Variants in MAP3K2 observed in about 807,000 individuals in gnomAD.
MAP3K2 encodes mitogen-activated protein kinase kinase kinase 2.
Under a neutral mutation model 80.3 loss-of-function variants are expected in MAP3K2, and 24 were observed. The observed-to-expected ratio is 0.30, with a 90% confidence interval of 0.22 to 0.42. MAP3K2 has a LOEUF of 0.42. Among genes scored for constraint, MAP3K2 ranks in the 10% least tolerant of loss-of-function variants. MAP3K2 has a pLI of 1.00. For synonymous variants in MAP3K2, 244 were observed against 253.7 expected (o/e 0.96, Z 0.36); for missense variants, 608 against 750.1 (o/e 0.81, Z 2.21).
Position 127,302,560 on chromosome 2 carries a change from G to A in MAP3K2, c.*5019C>T, listed in dbSNP as rs1486201467. Reference sequence around the variant, plus strand: ...CCCAAAATGTTAGCTGAGAATTAAGGACTAGAATCTGCTATCCCTGGATTT... The same window carrying A: ...CCCAAAATGTTAGCTGAGAATTAAGAACTAGAATCTGCTATCCCTGGATTT... On this transcript the variant is annotated 3_prime_UTR_variant, in exon 17 of 17. Coordinates refer to ENST00000682094, the MANE Select transcript of MAP3K2 (RefSeq NM_001371910.2). The A allele has an allele frequency of 6.6e-6, 1 of 152,016 alleles. No individual in the cohort carries two copies. The highest frequency in any genetic ancestry group is 1.5e-5 in the Non-Finnish European group (1 of 67,978). 9.4% of individuals were successfully genotyped at this position (152,016 alleles called of 1,614,324 possible). A position where few individuals can be genotyped will look rare whatever the true frequency, so the allele number is the denominator to read the frequency against.
At chr2:127,374,446 T>C (rs1289379357) in intron 1 of MAP3K2, among the ~76,000 whole-genome samples, 1 of 152,210 alleles carries the variant, frequency 6.6e-6, no homozygotes, top group African/African-American at 2.4e-5. Flanking sequence ...GCAACAATTT[T>C]TCCACCAAAA....
At chr2:127,327,564 C>G (rs530657177) in intron 7 of MAP3K2, among the ~76,000 whole-genome samples, 238 of 138,766 alleles carry the variant, frequency 1.7e-3, no homozygotes, top group African/African-American at 5.4e-3. Context: ...GGAGATAGGA[C>G]CAAAAAAAAA....
At chr2:127,337,141 C>CA (rs1344859084) in intron 4 of MAP3K2, among the ~76,000 whole-genome samples, 65 of 143,636 alleles carry the variant, frequency 4.5e-4, no homozygotes, top group Middle Eastern at 3.5e-3. Context: ...GACTCCATCT[C>CA]AAAAAAAAAA....
At chr2:127,373,703 A>G (rs1687103159) in intron 1 of MAP3K2, among the ~76,000 whole-genome samples, 1 of 152,222 alleles carries the variant, frequency 6.6e-6, no homozygotes, top group South Asian at 2.1e-4. Flanking sequence ...AGATGGGCCC[A>G]GAGCTATGCT....
At position 127,318,217 on chromosome 2, in the gene MAP3K2, C is replaced by G. The variant is rs753820021; in HGVS notation, c.1146G>C (p.Leu382Phe). 1.9e-6 allele frequency: 3 copies of G among 1,611,184 alleles called. No individual in the cohort carries two copies. The African/African-American group carries it at 4.0e-5, about 22-fold the overall frequency. Reference sequence around the variant, plus strand: ...GGTCAAATTGAACTTGCTTAACAGCCAATTCTCTTCCTGTATCAACATCAT... The same window carrying G: ...GGTCAAATTGAACTTGCTTAACAGCGAATTCTCTTCCTGTATCAACATCAT... ...LCYDVDTGRE[L>F]AVKQVQFDPD... The change falls in exon 13 of 17, where the codon TTG (leucine) becomes TTC (phenylalanine). Residue 382 changes from leucine (L) to phenylalanine (F), a missense_variant. By Grantham distance (22) the Leu-to-Phe change is conservative (BLOSUM62 0). This residue lies in a region of MAP3K2 where 467 missense variants were observed against 521.9 expected (regional missense o/e 0.89). Coordinates refer to ENST00000682094, the MANE Select transcript of MAP3K2 (RefSeq NM_001371910.2).
intron 1 of MAP3K2, among the ~76,000 whole-genome samples, chr2:127,367,275 T>C (rs1346240586): frequency 6.6e-6 from 1 of 152,164 alleles, no homozygotes; most frequent in Non-Finnish European, 1.5e-5. Flanking sequence ...TTCCTTATAG[T>C]ATCTGAGCAA....
At position 127,321,069 on chromosome 2, in the gene MAP3K2, G is replaced by C. The variant is rs193003864; in HGVS notation, c.1045+977C>G. ...CAGAAGGCAGAGGTTGCAATGAGTT[G>C]AGATTGCACCACAGCCTGAGTGACA... On this transcript the variant is annotated intron_variant, in intron 12 of 16. Transcript: ENST00000682094. This position sits in a 1 kb window ranked among gnomAD's most constrained non-coding sequence, Gnocchi z 4.4. Among the ~76,000 whole-genome samples the C allele has an allele frequency of 2.0e-5, 3 of 152,304 alleles. No individual in the cohort carries two copies. The East Asian group carries it at 5.8e-4, about 29-fold the overall frequency.
chr2:127,307,595 A>T lies in MAP3K2; in HGVS notation c.1844T>A (p.Phe615Tyr). Residue 615 changes from phenylalanine (F) to tyrosine (Y), a missense_variant, in exon 17 of 17, where the codon TTT becomes TAT. By Grantham distance (22) the Phe-to-Tyr change is conservative. Coordinates refer to ENST00000682094, the MANE Select transcript of MAP3K2 (RefSeq NM_001371910.2). This position sits in a 1 kb window ranked among gnomAD's most constrained non-coding sequence, Gnocchi z 5.4. ...TACTGGCTGCTAGTGATAATGCACA[A>T]ACATGTGCCTTAAGAGTTCATCAGC... ...PSADELLRHM[F>Y]VHYH The T allele has an allele frequency of 6.4e-7, 1 of 1,569,046 alleles. No homozygotes were observed. Among genetic ancestry groups the T allele is most frequent in the Non-Finnish European group, 8.6e-7 (1 of 1,156,422 alleles).
intron 5 of MAP3K2, among the ~76,000 whole-genome samples, chr2:127,334,655 GCTAGTCTTGAACTCCCGGCCTCAGGTGAT>G (rs1686329690): frequency 2.0e-5 from 3 of 152,088 alleles, no homozygotes; most frequent in Non-Finnish European, 4.4e-5. Context: ...TGTTGCCTAG[GCTAGTCTTGAACTCCCGGCCTCAGGTGAT>G]CCTCCTGCCT....
chr2:127,332,616 A>T (rs888738610), intron 5 of MAP3K2, among the ~76,000 whole-genome samples: 1 of 152,216 alleles, frequency 6.6e-6, no homozygotes, highest in African/African-American at 2.4e-5. Context: ...ACACTAAATA[A>T]ATCAGATAAT....
intron 12 of MAP3K2, 133 bp from the exon 13 acceptor site, chr2:127,318,450 C>A: frequency 1.7e-6 from 1 of 592,026 alleles, no homozygotes; most frequent in South Asian, 7.8e-5. Flanking sequence ...TTATGATTAT[C>A]CAAATTCACA....
At chr2:127,344,433 T>C (rs1424196901) in intron 1 of MAP3K2, among the ~76,000 whole-genome samples, 2 of 149,854 alleles carry the variant, frequency 1.3e-5, no homozygotes, top group Non-Finnish European at 3.0e-5. Context: ...GAGGATCACG[T>C]GAGCCCAGGA....
At chr2:127,353,832 C>G (rs1358613201) in intron 1 of MAP3K2, among the ~76,000 whole-genome samples, 1 of 151,996 alleles carries the variant, frequency 6.6e-6, no homozygotes, top group African/African-American at 2.4e-5. Context: ...ATTGAGAAAT[C>G]GGATGGTTGC....
chr2:127,370,278 G>T (rs566349147), intron 1 of MAP3K2, among the ~76,000 whole-genome samples: 58 of 152,264 alleles, frequency 3.8e-4, no homozygotes, highest in African/African-American at 1.3e-3. Context: ...TCTGTGGGCG[G>T]CCCAGTCCCC....
At chr2:127,365,429 CA>C (rs1167515877) in intron 1 of MAP3K2, among the ~76,000 whole-genome samples, 1 of 152,166 alleles carries the variant, frequency 6.6e-6, no homozygotes, top group Non-Finnish European at 1.5e-5. Flanking sequence ...TGGTTACATC[CA>C]AACTACATTT....
chr2:127,354,802 T>C (rs1686769256), intron 1 of MAP3K2, among the ~76,000 whole-genome samples: 1 of 151,952 alleles, frequency 6.6e-6, no homozygotes, highest in Non-Finnish European at 1.5e-5. Context: ...ACACAAATGA[T>C]AGAATTAGTA....
chr2:127,332,481 C>T (rs80066094), intron 5 of MAP3K2, among the ~76,000 whole-genome samples: 1,998 of 152,318 alleles, frequency 0.013, 45 homozygotes, highest in African/African-American at 0.046. Flanking sequence ...GGAGGGGTGC[C>T]TGGTGCAGCA....
intron 8 of MAP3K2, among the ~76,000 whole-genome samples, chr2:127,326,227 A>G (rs967163357): frequency 2.2e-5 from 3 of 139,044 alleles, no homozygotes. Context: ...GTAAACTACT[A>G]TAATAGTGTG....
chr2:127,324,858 CACGTGTAACAA>C (rs1245431480), intron 9 of MAP3K2, among the ~76,000 whole-genome samples: 2 of 152,056 alleles, frequency 1.3e-5, no homozygotes, highest in Non-Finnish European at 2.9e-5. Context: ...GGAGGGGGAG[CACGTGTAACAA>C]AAAATTCACA....
Sources: gnomAD v4.1 joint callset for allele counts (sites outside exome capture counted in the v4.1 genomes callset) on GRCh38, gnomAD v4.1.1 for gene constraint, gnomAD v4.1.1 regional missense constraint, Gnocchi (gnomAD v3.1) non-coding constraint, MANE v1.5 for transcripts, NCBI Gene and HGNC (gene_info 2026-07-23, HGNC 2026-07-21) for gene names.